PEAK1: variants seen among roughly 807,000 people sequenced by gnomAD.
PEAK1 encodes the protein pseudopodium enriched atypical kinase 1.
In PEAK1, 54 loss-of-function variants were observed where a neutral mutation model predicts 124.7. The ratio of observed to expected loss-of-function variants is 0.43; its 90% CI spans 0.35 to 0.54. The LOEUF (loss-of-function observed/expected upper bound fraction) is 0.54. PEAK1 is among the 20% of genes least tolerant of loss of function. The pLI is 0.01. For synonymous variants in PEAK1, 719 were observed against 760.0 expected (o/e 0.95, Z 0.89); for missense variants, 2,046 against 2,134.5 (o/e 0.96, Z 0.82).
At chr15:77,394,343 C>T (rs1597584640) in intron 1 of PEAK1, among the ~76,000 whole-genome samples, 2 of 152,200 alleles carry the variant, frequency 1.3e-5, no homozygotes, top group Admixed American at 6.5e-5. Flanking sequence ...CCATGCTGAC[C>T]GCAGGTCTGA....
At position 77,110,786 on chromosome 15, in the gene PEAK1, A is replaced by G. The variant is rs966168902; in HGVS notation, c.*3370T>C. On this transcript the variant is annotated 3_prime_UTR_variant, in exon 10 of 10. Coordinates refer to ENST00000682557, the MANE Select transcript of PEAK1 (RefSeq NM_001385026.1). ...CTTACGTTGTTGTTCCACAGGTTACAGTGACTCTTTTTCTCATCCTGCTGT... is the reference window on the plus strand; with the variant it reads ...CTTACGTTGTTGTTCCACAGGTTACGGTGACTCTTTTTCTCATCCTGCTGT... 1 of 152,204 alleles carries G rather than the reference A, an allele frequency of 6.6e-6. No individual in the cohort carries two copies. Among genetic ancestry groups the G allele is most frequent in the Non-Finnish European group, 1.5e-5 (1 of 68,050 alleles). 9.4% of individuals were successfully genotyped at this position (152,204 alleles called of 1,614,324 possible).
intron 6 of PEAK1, among the ~76,000 whole-genome samples, chr15:77,237,468 G>T (rs556744895): frequency 6.7e-6 from 1 of 150,120 alleles, no homozygotes; most frequent in African/African-American, 2.4e-5. Context: ...ACCTTCTGTG[G>T]TCTGTGAACA....
At chr15:77,160,214 G>A (rs1181485898) in intron 7 of PEAK1, among the ~76,000 whole-genome samples, 1 of 152,104 alleles carries the variant, frequency 6.6e-6, no homozygotes, top group Non-Finnish European at 1.5e-5. Flanking sequence ...ACGCATTAGG[G>A]AAGACAAAAC....
chr15:77,347,124 G>A, intron 2 of PEAK1: 1 of 736,428 alleles, frequency 1.4e-6, no homozygotes, highest in East Asian at 1.3e-4. Flanking sequence ...GAATAAACTT[G>A]GTATATTCAT....
intron 2 of PEAK1, chr15:77,335,830 GT>G: frequency 1.0e-6 from 1 of 985,242 alleles, no homozygotes; most frequent in Non-Finnish European, 1.2e-6. Flanking sequence ...CTAGGTAATG[GT>G]TTCCAATCTC....
rs934091376 is a variant in PEAK1, at chr15:77,276,301, C to G, written c.-275+7582G>C. ...CAGGCCAAAACACATCAAAGTCAAACTTCTGAAAACTGAAGACACAGAAAA... is the reference window on the plus strand; with the variant it reads ...CAGGCCAAAACACATCAAAGTCAAAGTTCTGAAAACTGAAGACACAGAAAA... On this transcript the variant is annotated intron_variant, in intron 5 of 9. Coordinates refer to ENST00000682557, the MANE Select transcript of PEAK1 (RefSeq NM_001385026.1). 3.3e-5 allele frequency among the ~76,000 whole-genome samples: 5 copies of G among 152,288 alleles called. No homozygotes were observed. In the South Asian group the frequency reaches 6.2e-4, roughly 19 times the overall value.
intron 1 of PEAK1, among the ~76,000 whole-genome samples, chr15:77,377,797 C>T (rs1352550652): frequency 6.6e-6 from 1 of 152,064 alleles, no homozygotes; most frequent in Non-Finnish European, 1.5e-5. Flanking sequence ...ATGTGGTCCT[C>T]GTTGACCAAA....
chr15:77,272,978 T>C (rs961148051), intron 5 of PEAK1, among the ~76,000 whole-genome samples: 1 of 152,172 alleles, frequency 6.6e-6, no homozygotes, highest in African/African-American at 2.4e-5. Flanking sequence ...ATAAATGTGA[T>C]ACACCACAGA....
chr15:77,375,500 T>A (rs2068937158), intron 1 of PEAK1, among the ~76,000 whole-genome samples: 1 of 152,200 alleles, frequency 6.6e-6, no homozygotes, highest in African/African-American at 2.4e-5. Context: ...AATGTGACTA[T>A]CTGAATATCT....
Position 77,178,772 on chromosome 15 carries a change from C to T in PEAK1, c.3137+18G>A, listed in dbSNP as rs1014060840. The T allele has an allele frequency of 6.3e-7, 1 of 1,593,170 alleles. No individual in the cohort carries two copies. The highest frequency in any genetic ancestry group is 1.3e-5 in the African/African-American group (1 of 74,130). ...TGTGTTAAAAAATTCCCATATTCTTCCAGTCTATTTTACATACCTGAGAAT... is the reference window on the plus strand; with the variant it reads ...TGTGTTAAAAAATTCCCATATTCTTTCAGTCTATTTTACATACCTGAGAAT... On this transcript the variant is annotated intron_variant, in intron 7 of 9. Transcript: ENST00000682557.
chr15:77,316,415 T>C (rs927747096), intron 2 of PEAK1, among the ~76,000 whole-genome samples: 2 of 152,202 alleles, frequency 1.3e-5, no homozygotes, highest in Non-Finnish European at 2.9e-5. Context: ...GATTCTTACA[T>C]AAACATACTT....
Position 77,356,781 on chromosome 15 carries a change from G to T in PEAK1, c.-603+8382C>A, listed in dbSNP as rs1468699053. On this transcript the variant is annotated intron_variant, in intron 2 of 9. Coordinates refer to ENST00000682557, the MANE Select transcript of PEAK1 (RefSeq NM_001385026.1). Reference sequence around the variant, plus strand: ...AGGCACAGAATTAAGGCATTATAATGATTTTGTATTTTTTAAAAGATGGAA... The same window carrying T: ...AGGCACAGAATTAAGGCATTATAATTATTTTGTATTTTTTAAAAGATGGAA... Among the ~76,000 whole-genome samples, 3 of 152,162 alleles carry T rather than the reference G, an allele frequency of 2.0e-5. 1 individual carries two copies. In the South Asian group the frequency reaches 6.2e-4, roughly 31 times the overall value.
rs1461588703 is a variant in PEAK1, at chr15:77,178,839, T to TCTC, written c.3085_3087dup (p.Glu1029dup). On this transcript the variant is annotated inframe_insertion, in exon 7 of 10. Transcript: ENST00000682557. The stretch of plus-strand genomic sequence containing the variant: ...GATGGAGAAGAATGACTCCTCTTCT[T>TCTC]CTCTGAGTCCTGTAGTAATGCATTC... 3.7e-6 allele frequency: 6 copies of TCTC among 1,613,946 alleles called. No individual in the cohort carries two copies. Among genetic ancestry groups the TCTC allele is most frequent in the African/African-American group, 1.3e-5 (1 of 74,934 alleles).
At chr15:77,266,255 T>C (rs1205172100) in intron 5 of PEAK1, among the ~76,000 whole-genome samples, 1 of 150,196 alleles carries the variant, frequency 6.7e-6, no homozygotes, top group African/African-American at 2.4e-5. Context: ...AGTATAATAA[T>C]AAAAAAAAAT....
At chr15:77,375,764 G>A (rs1028462352) in intron 1 of PEAK1, among the ~76,000 whole-genome samples, 4 of 152,142 alleles carry the variant, frequency 2.6e-5, no homozygotes, top group African/African-American at 4.8e-5. Context: ...GGGAGGCCGA[G>A]GCGGGTGGAT....
intron 2 of PEAK1, among the ~76,000 whole-genome samples, chr15:77,315,754 A>C (rs2064831010): frequency 6.6e-6 from 1 of 152,162 alleles, no homozygotes; most frequent in South Asian, 2.1e-4. Context: ...ACATTCTACA[A>C]TATCCCTCAC....
At chr15:77,418,760 T>C in intron 1 of PEAK1, 1 of 985,380 alleles carries the variant, frequency 1.0e-6, no homozygotes, top group Non-Finnish European at 1.2e-6. Context: ...CGTTTTTCAC[T>C]TCCACACTGC....
At chr15:77,218,790 C>T (rs1462023688) in intron 6 of PEAK1, among the ~76,000 whole-genome samples, 1 of 152,056 alleles carries the variant, frequency 6.6e-6, no homozygotes, top group East Asian at 1.9e-4. Context: ...TTTTCTGATT[C>T]ACTAGACCAG....
intron 6 of PEAK1, among the ~76,000 whole-genome samples, chr15:77,222,462 G>A (rs756526766): frequency 2.0e-5 from 3 of 151,902 alleles, no homozygotes; most frequent in Non-Finnish European, 4.4e-5. Flanking sequence ...ATGATCTTAT[G>A]CATTTTACAG....
Sources: allele counts gnomAD v4.1 joint callset (sites outside exome capture counted in the v4.1 genomes callset), GRCh38; gene constraint gnomAD v4.1.1; transcripts MANE v1.5; gene names NCBI Gene and HGNC (gene_info 2026-07-23, HGNC 2026-07-21).